TMEM178B: variants seen among roughly 807,000 people sequenced by gnomAD.
TMEM178B encodes the protein transmembrane protein 178B.
A neutral mutation model predicts 31.0 loss-of-function variants in TMEM178B; 5 were observed. That is an observed-to-expected ratio of 0.16 (90% CI 0.08 to 0.34). The LOEUF is 0.34. Among genes scored for constraint, TMEM178B ranks in the 10% least tolerant of loss-of-function variants. The pLI is 1.00. For synonymous variants in TMEM178B, 164 were observed against 164.0 expected, an observed-to-expected ratio of 1.00 and a Z score of 0.00; for missense variants, 275 against 400.3, an observed-to-expected ratio of 0.69 and a Z score of 2.67.
At chr7:141,162,326 C>A (rs906336538) in intron 1 of TMEM178B, among the ~76,000 whole-genome samples, 1 of 152,220 alleles carries the variant, frequency 6.6e-6, no homozygotes, top group African/African-American at 2.4e-5. Flanking sequence ...TGTGGCCTGA[C>A]CGTCCTTTGA....
chr7:141,088,070 T>G (rs142216469), intron 1 of TMEM178B, among the ~76,000 whole-genome samples: 157 of 152,170 alleles, frequency 1.0e-3, no homozygotes, highest in African/African-American at 3.5e-3. Context: ...GTGTTCTGCT[T>G]GGTTCTTGAT....
intron 2 of TMEM178B, among the ~76,000 whole-genome samples, chr7:141,228,293 T>C (rs979203048): frequency 2.0e-5 from 3 of 152,202 alleles, no homozygotes; most frequent in African/African-American, 7.2e-5. Context: ...AAGTCCAAGA[T>C]ATCAGAATTA....
At chr7:141,247,524 T>C (rs991663353) in intron 2 of TMEM178B, among the ~76,000 whole-genome samples, 4 of 152,148 alleles carry the variant, frequency 2.6e-5, no homozygotes, top group Admixed American at 2.0e-4. Context: ...GCGACATCCA[T>C]AGCTTCTCCC....
At chr7:141,167,109 A>G (rs905863888) in intron 1 of TMEM178B, among the ~76,000 whole-genome samples, 3 of 152,198 alleles carry the variant, frequency 2.0e-5, no homozygotes, top group Non-Finnish European at 4.4e-5. Context: ...TCATCTTTAA[A>G]ATGAGGGTGT....
At chr7:141,121,604 C>T (rs1475454966) in intron 1 of TMEM178B, among the ~76,000 whole-genome samples, 1 of 152,034 alleles carries the variant, frequency 6.6e-6, no homozygotes, top group East Asian at 1.9e-4. Flanking sequence ...ATTTTTGAGT[C>T]CTGTTTGCCT....
At chr7:141,438,698 A>C (rs1014190501) in intron 3 of TMEM178B, among the ~76,000 whole-genome samples, 7 of 100,880 alleles carry the variant, frequency 6.9e-5, no homozygotes, top group African/African-American at 3.1e-4. Context: ...GTCTCTACTA[A>C]AAAAAAAAAA....
intron 2 of TMEM178B, among the ~76,000 whole-genome samples, chr7:141,329,812 A>C (rs1799264008): frequency 6.6e-6 from 1 of 152,246 alleles, no homozygotes; most frequent in African/African-American, 2.4e-5. Context: ...AAGGGACAGA[A>C]AATAAAATAG....
At chr7:141,439,239 C>T (rs771702624) in intron 3 of TMEM178B, among the ~76,000 whole-genome samples, 6 of 152,034 alleles carry the variant, frequency 3.9e-5, no homozygotes, top group African/African-American at 7.3e-5. Flanking sequence ...AGGGTCTTTC[C>T]AAGGAAAAAT....
chr7:141,278,398 A>G (rs923208126), intron 2 of TMEM178B, among the ~76,000 whole-genome samples: 1 of 152,274 alleles, frequency 6.6e-6, no homozygotes, highest in East Asian at 1.9e-4. Flanking sequence ...CCTGGCCAAC[A>G]TGGTGAAACC....
At chr7:141,246,888 T>C (rs1270194731) in intron 2 of TMEM178B, among the ~76,000 whole-genome samples, 1 of 152,150 alleles carries the variant, frequency 6.6e-6, no homozygotes, top group Non-Finnish European at 1.5e-5. Flanking sequence ...CCAGCACTCT[T>C]TTCCCCATTA....
chr7:141,169,073 C>T (rs2129182542), intron 1 of TMEM178B, among the ~76,000 whole-genome samples: 1 of 152,252 alleles, frequency 6.6e-6, no homozygotes, highest in African/African-American at 2.4e-5. Context: ...ATTTTAAGTT[C>T]AGGGGTACAT....
intron 1 of TMEM178B, among the ~76,000 whole-genome samples, chr7:141,162,015 C>T (rs1334718231): frequency 1.3e-5 from 2 of 152,130 alleles, no homozygotes; most frequent in Admixed American, 6.5e-5. Context: ...TCCTTCCCAG[C>T]GCTGAGCAGC....
intron 2 of TMEM178B, among the ~76,000 whole-genome samples, chr7:141,385,313 T>C (rs890943584): frequency 2.6e-5 from 4 of 152,236 alleles, no homozygotes; most frequent in African/African-American, 9.6e-5. Flanking sequence ...ACCAGTCCCC[T>C]TGGGCTGTGT....
chr7:141,095,555 A>T (rs551884282), intron 1 of TMEM178B, among the ~76,000 whole-genome samples: 1 of 152,304 alleles, frequency 6.6e-6, no homozygotes, highest in South Asian at 2.1e-4. Flanking sequence ...ATCCCAGTAC[A>T]TAGGCTTATT....
At chr7:141,380,954 G>A (rs1406315351) in intron 2 of TMEM178B, among the ~76,000 whole-genome samples, 1 of 152,108 alleles carries the variant, frequency 6.6e-6, no homozygotes, top group African/African-American at 2.4e-5. Context: ...AGGCTAACAT[G>A]GTGGCTGCTG....
At chr7:141,274,072 T>C (rs1798228857) in intron 2 of TMEM178B, among the ~76,000 whole-genome samples, 1 of 152,258 alleles carries the variant, frequency 6.6e-6, no homozygotes, top group Non-Finnish European at 1.5e-5. Context: ...AATGACTTTT[T>C]CAGAACTCTG....
intron 2 of TMEM178B, among the ~76,000 whole-genome samples, chr7:141,241,970 A>G (rs1211785464): frequency 6.6e-6 from 1 of 152,224 alleles, no homozygotes; most frequent in Non-Finnish European, 1.5e-5. Context: ...TTTGGGTGCT[A>G]CATTTTCATC....
chr7:141,358,667 T>A (rs1317308877), intron 2 of TMEM178B, among the ~76,000 whole-genome samples: 1 of 151,992 alleles, frequency 6.6e-6, no homozygotes, highest in Non-Finnish European at 1.5e-5. Flanking sequence ...AACATTTTGT[T>A]CCTCTTTATC....
chr7:141,356,242 G>A (rs932734428), intron 2 of TMEM178B, among the ~76,000 whole-genome samples: 1 of 152,208 alleles, frequency 6.6e-6, no homozygotes, highest in East Asian at 1.9e-4. Flanking sequence ...CCAGTAATGG[G>A]ATTGATGGGT....
Sources: gnomAD v4.1 joint callset for allele counts (sites outside exome capture counted in the v4.1 genomes callset) on GRCh38, gnomAD v4.1.1 for gene constraint, MANE v1.5 for transcripts, NCBI Gene and HGNC (gene_info 2026-07-23, HGNC 2026-07-21) for gene names.